SLC7A13: variants seen among roughly 807,000 people sequenced by gnomAD.
The protein encoded by SLC7A13 is X-amino acid transporter 2.
SLC7A13 carries 31 observed loss-of-function variants against 32.0 expected under a neutral mutation model. That is an observed-to-expected ratio of 0.97 (90% CI 0.73 to 1.31). The LOEUF is 1.31. Among genes scored for constraint, SLC7A13 ranks in the 50% most tolerant of loss-of-function variants. The probability of loss-of-function intolerance (pLI) is 0.00; values close to 1 mark genes in which losing one functional copy is unlikely to be tolerated. For missense variants in SLC7A13, 633 were observed against 546.9 expected (o/e 1.16, Z -1.57); for synonymous variants, 232 against 206.9 (o/e 1.12, Z -1.04).
intron 3 of SLC7A13, among the ~76,000 whole-genome samples, chr8:86,215,936 T>C (rs1223233619): frequency 6.6e-6 from 1 of 152,126 alleles, no homozygotes; most frequent in Non-Finnish European, 1.5e-5. Flanking sequence ...TGTCAGACCC[T>C]GGATTGTTTG....
intron 1 of SLC7A13, among the ~76,000 whole-genome samples, chr8:86,224,281 G>T (rs1268772926): frequency 6.6e-6 from 1 of 152,050 alleles, no homozygotes; most frequent in Non-Finnish European, 1.5e-5. Flanking sequence ...TTGCCATAGG[G>T]TCTACTCTCT....
chr8:86,225,891 G>A (rs918331912), intron 1 of SLC7A13, among the ~76,000 whole-genome samples: 7 of 152,044 alleles, frequency 4.6e-5, no homozygotes, highest in South Asian at 4.2e-4. Context: ...TGATTGCACA[G>A]CTGCACTCCA....
At chr8:86,222,366 A>T (rs750994756) in intron 2 of SLC7A13, among the ~76,000 whole-genome samples, 1 of 152,014 alleles carries the variant, frequency 6.6e-6, no homozygotes, top group Non-Finnish European at 1.5e-5. Context: ...TTTTCAATGT[A>T]TATTTATTTA....
At chr8:86,225,027 T>G (rs889577549) in intron 1 of SLC7A13, among the ~76,000 whole-genome samples, 1 of 152,164 alleles carries the variant, frequency 6.6e-6, no homozygotes, top group African/African-American at 2.4e-5. Flanking sequence ...ATGTCCAGTC[T>G]GCTTCCCTAT....
At chr8:86,227,383 TG>T (rs959427495) in intron 1 of SLC7A13, among the ~76,000 whole-genome samples, 1 of 152,022 alleles carries the variant, frequency 6.6e-6, no homozygotes, top group African/African-American at 2.4e-5. Context: ...CTTAAGGGGA[TG>T]GGAGGGAAAA....
At chr8:86,226,109 A>G (rs1355316699) in intron 1 of SLC7A13, among the ~76,000 whole-genome samples, 1 of 152,184 alleles carries the variant, frequency 6.6e-6, no homozygotes, top group Non-Finnish European at 1.5e-5. Context: ...GAGGAACTCC[A>G]TAATAGTTTA....
chr8:86,218,031 T>A (rs563143161), intron 2 of SLC7A13, among the ~76,000 whole-genome samples, 200 bp from the exon 3 acceptor site: 81 of 152,294 alleles, frequency 5.3e-4, no homozygotes, highest in South Asian at 1.7e-3. Context: ...TCACACTGTA[T>A]TGTAAATGGT....
At chr8:86,220,670 T>C (rs2075443629) in intron 2 of SLC7A13, among the ~76,000 whole-genome samples, 1 of 152,066 alleles carries the variant, frequency 6.6e-6, no homozygotes, top group African/African-American at 2.4e-5. Context: ...ACTTGTTTGA[T>C]TGAAAAAAAT....
At chr8:86,224,038 T>G (rs1297621812) in intron 1 of SLC7A13, among the ~76,000 whole-genome samples, 1 of 152,074 alleles carries the variant, frequency 6.6e-6, no homozygotes, top group East Asian at 1.9e-4. Flanking sequence ...GGGAATACAA[T>G]GGTGAGCAGA....
intron 3 of SLC7A13, among the ~76,000 whole-genome samples, chr8:86,217,162 T>C (rs1363292659): frequency 6.6e-6 from 1 of 152,214 alleles, no homozygotes; most frequent in Non-Finnish European, 1.5e-5. Context: ...AAGACATTCA[T>C]ATGCATGACT....
At chr8:86,218,559 A>G (rs1057479125) in intron 2 of SLC7A13, among the ~76,000 whole-genome samples, 1 of 152,108 alleles carries the variant, frequency 6.6e-6, no homozygotes, top group Non-Finnish European at 1.5e-5. Context: ...TAAACATCCT[A>G]TAATGTACAG....
At chr8:86,219,373 C>T (rs1011374358) in intron 2 of SLC7A13, among the ~76,000 whole-genome samples, 9 of 152,202 alleles carry the variant, frequency 5.9e-5, no homozygotes, top group East Asian at 3.9e-4. Flanking sequence ...TCTACATCAT[C>T]TTTAGCTCTA....
At chr8:86,228,442 A>G (rs1256890044) in intron 1 of SLC7A13, among the ~76,000 whole-genome samples, 8 of 152,150 alleles carry the variant, frequency 5.3e-5, no homozygotes, top group Admixed American at 1.3e-4. Context: ...TGGTGCAATC[A>G]TAGCTTACTG....
Position 86,230,072 on chromosome 8 carries a change from T to G in SLC7A13, c.206A>C (p.Glu69Ala), listed in dbSNP as rs570980756. ...ACTGCATGGGAAGCTTATACTTATC[T>G]CTGCAGAGCAAAGAGTTGATGTCAT... ...LAMTSTLCSA[E>A]ISISFPCSGA... Residue 69 changes from glutamate (E) to alanine (A), a missense_variant, in exon 1 of 4, where the codon GAG becomes GCG. Coordinates refer to ENST00000297524, the MANE Select transcript of SLC7A13 (RefSeq NM_138817.3). 1 of 1,614,174 alleles carries G rather than the reference T, an allele frequency of 6.2e-7. No homozygotes were observed. Among genetic ancestry groups the G allele is most frequent in the South Asian group, 1.1e-5 (1 of 91,084 alleles).
At chr8:86,224,581 T>C (rs1350848667) in intron 1 of SLC7A13, among the ~76,000 whole-genome samples, 3 of 152,180 alleles carry the variant, frequency 2.0e-5, no homozygotes, top group East Asian at 3.9e-4. Flanking sequence ...ACAGTTTTAT[T>C]TTTAAATATT....
At chr8:86,224,854 T>C (rs1820362073) in intron 1 of SLC7A13, among the ~76,000 whole-genome samples, 1 of 150,298 alleles carries the variant, frequency 6.7e-6, no homozygotes, top group East Asian at 2.0e-4. Context: ...AGAAAATTTG[T>C]TTTTTTTTAA....
At chr8:86,215,055 GTC>G (rs1820156268) in intron 3 of SLC7A13, among the ~76,000 whole-genome samples, 1 of 152,038 alleles carries the variant, frequency 6.6e-6, no homozygotes, top group Non-Finnish European at 1.5e-5. Context: ...TCCTCAGACT[GTC>G]TGTTACACAG....
rs776880618 is a variant in SLC7A13, at chr8:86,229,780, C to T, written c.498G>A (p.Leu166=). Residue 166 remains leucine (L), a synonymous_variant, in exon 1 of 4, where the codon CTG becomes CTA. Coordinates refer to ENST00000297524, the MANE Select transcript of SLC7A13 (RefSeq NM_138817.3). ...VTWLQIASSV[L]KVSILSFISL... is the part of the protein sequence containing the mutation. ...AAATGAAGCTAAGTATGGACACTTT[C>T]AGCACTGAGCTAGCTATCTGAAGCC... 4 of 1,614,198 alleles carry T rather than the reference C, an allele frequency of 2.5e-6. No homozygotes were observed. In the South Asian group the frequency reaches 4.4e-5, roughly 18 times the overall value.
rs1320016986 is a variant in SLC7A13, at chr8:86,214,647, C to G, written c.1180-1G>C. 1 of 1,597,556 alleles carries G rather than the reference C, an allele frequency of 6.3e-7. No individual in the cohort carries two copies. The highest frequency in any genetic ancestry group is 8.5e-7 in the Non-Finnish European group (1 of 1,171,678). On this transcript the variant is annotated splice_acceptor_variant, in intron 3 of 3. Transcript: ENST00000297524. LOFTEE classifies it high-confidence loss of function. ...TTGCTAATGGAAATGACAAAAACAC[C>G]TGAAAAGAGCAAAGTTTGAAAAAAT...
Sources: gnomAD v4.1 joint callset for allele counts (sites outside exome capture counted in the v4.1 genomes callset) on GRCh38, gnomAD v4.1.1 for gene constraint, MANE v1.5 for transcripts, NCBI Gene and HGNC (gene_info 2026-07-23, HGNC 2026-07-21) for gene names.